Variants in TMIGD1 observed in about 807,000 individuals in gnomAD.
TMIGD1 encodes the protein transmembrane and immunoglobulin domain containing 1.
In TMIGD1, 29 loss-of-function variants were observed where a neutral mutation model predicts 27.5. That is an observed-to-expected ratio of 1.05 (90% CI 0.78 to 1.44). The LOEUF (loss-of-function observed/expected upper bound fraction) is 1.44. Among genes scored for constraint, TMIGD1 ranks in the 40% most tolerant of loss-of-function variants. The pLI is 0.00. For missense variants in TMIGD1, 334 were observed against 310.6 expected (o/e 1.08, Z -0.57); for synonymous variants, 109 against 110.3 (o/e 0.99, Z 0.07).
chr17:30,333,461 A>T (rs911535970), intron 1 of TMIGD1, among the ~76,000 whole-genome samples: 5 of 151,866 alleles, frequency 3.3e-5, no homozygotes, highest in African/African-American at 7.3e-5. Context: ...AATAAAAAAT[A>T]AAAAAATAAA....
intron 2 of TMIGD1, 104 bp from the exon 3 acceptor site, chr17:30,329,633 A>G (rs1213062936): frequency 2.4e-6 from 2 of 850,068 alleles, no homozygotes; most frequent in Non-Finnish European, 3.6e-6. Flanking sequence ...GTAGAACAAA[A>G]TAAACTCTCA....
At position 30,332,114 on chromosome 17, in the gene TMIGD1, A is replaced by C; in HGVS notation, c.20T>G (p.Val7Gly). MAWKSS[V>G]IMQMGRFLLL... ...AAGAAATCTTCCCATTTGCATTATGACACTGCTCTTCCATGCCATCTTTAA... is the reference window on the plus strand; with the variant it reads ...AAGAAATCTTCCCATTTGCATTATGCCACTGCTCTTCCATGCCATCTTTAA... The change falls in exon 2 of 7, where the codon GTC (valine) becomes GGC (glycine). Residue 7 changes from valine to glycine, a missense_variant. By Grantham distance (109) the Val-to-Gly change is moderately radical. Coordinates refer to ENST00000328886, the MANE Select transcript of TMIGD1 (RefSeq NM_206832.3). The C allele has an allele frequency of 6.2e-7, 1 of 1,613,396 alleles. No individual in the cohort carries two copies. Among genetic ancestry groups the C allele is most frequent in the Non-Finnish European group, 8.5e-7 (1 of 1,179,618 alleles).
chr17:30,331,985 T>G, intron 2 of TMIGD1, 67 bp downstream of exon 2: 1 of 1,038,758 alleles, frequency 9.6e-7, no homozygotes, highest in Non-Finnish European at 1.5e-6. Context: ...CCAATGCCCA[T>G]TGATCACTTT....
intron 1 of TMIGD1, 101 bp from the exon 2 acceptor site, chr17:30,332,259 A>G: frequency 3.1e-6 from 2 of 635,778 alleles, no homozygotes; most frequent in Non-Finnish European, 5.5e-6. Flanking sequence ...TCCCAGATGA[A>G]TCATCCCAGC....
intron 2 of TMIGD1, among the ~76,000 whole-genome samples, chr17:30,329,853 T>C (rs953791788): frequency 1.3e-5 from 2 of 151,864 alleles, no homozygotes; most frequent in Non-Finnish European, 2.9e-5. Flanking sequence ...GGAGGATCGC[T>C]TGAGCTCAGG....
intron 4 of TMIGD1, among the ~76,000 whole-genome samples, chr17:30,321,954 G>A (rs1909634476): frequency 1.3e-5 from 2 of 151,988 alleles, no homozygotes; most frequent in Non-Finnish European, 2.9e-5. Context: ...TCAGCCTCCT[G>A]AGTAGTCAAG....
intron 3 of TMIGD1, among the ~76,000 whole-genome samples, chr17:30,326,382 C>A (rs1455956722): frequency 6.6e-6 from 1 of 152,100 alleles, no homozygotes; most frequent in East Asian, 1.9e-4. Context: ...CCCAGAGATA[C>A]CCACTGTTAT....
At chr17:30,323,357 T>C (rs986179921) in intron 4 of TMIGD1, among the ~76,000 whole-genome samples, 2 of 152,144 alleles carry the variant, frequency 1.3e-5, no homozygotes, top group Non-Finnish European at 2.9e-5. Context: ...AGATCTGTGA[T>C]GTCGTTTGTA....
At chr17:30,332,914 T>G (rs1277927118) in intron 1 of TMIGD1, among the ~76,000 whole-genome samples, 1 of 152,066 alleles carries the variant, frequency 6.6e-6, no homozygotes, top group Non-Finnish European at 1.5e-5. Context: ...GCTAAACACT[T>G]TACATACATC....
intron 4 of TMIGD1, among the ~76,000 whole-genome samples, chr17:30,321,888 G>A (rs1361977630): frequency 2.0e-5 from 3 of 152,132 alleles, no homozygotes; most frequent in Admixed American, 1.3e-4. Flanking sequence ...GAGTGCAGTG[G>A]CATGATCATG....
At chr17:30,321,164 T>C (rs946622510) in intron 4 of TMIGD1, among the ~76,000 whole-genome samples, 353 of 129,904 alleles carry the variant, frequency 2.7e-3, no homozygotes, top group African/African-American at 8.5e-3. Flanking sequence ...GGCCAACCCC[T>C]TTTTTTTTTT....
intron 2 of TMIGD1, among the ~76,000 whole-genome samples, chr17:30,329,915 A>T (rs1304949473): frequency 8.2e-6 from 1 of 122,014 alleles, no homozygotes; most frequent in Non-Finnish European, 1.8e-5. Flanking sequence ...TACAAAAAAT[A>T]AAAAAATAAA....
At chr17:30,332,031 C>G (rs1039392208) in intron 2 of TMIGD1, 21 bp downstream of exon 2, 4 of 1,561,148 alleles carry the variant, frequency 2.6e-6, no homozygotes, top group Non-Finnish European at 3.5e-6. Flanking sequence ...TAAAAAGAGG[C>G]CAAAAAGAAC....
intron 1 of TMIGD1, among the ~76,000 whole-genome samples, chr17:30,332,667 A>C (rs1910017769): frequency 6.6e-6 from 1 of 152,118 alleles, no homozygotes; most frequent in Non-Finnish European, 1.5e-5. Flanking sequence ...AAACCATGTT[A>C]ATCTTGTCTT....
At chr17:30,333,535 T>A (rs1910051133) in intron 1 of TMIGD1, among the ~76,000 whole-genome samples, 1 of 152,134 alleles carries the variant, frequency 6.6e-6, no homozygotes, top group East Asian at 1.9e-4. Context: ...TTAACACCAG[T>A]ATTAATTTAC....
chr17:30,318,817 A>G lies in TMIGD1; in HGVS notation c.737T>C (p.Ile246Thr). The change falls in exon 5 of 7, where the codon ATA (isoleucine) becomes ACA (threonine). Residue 246 changes from isoleucine (I) to threonine (T), a missense_variant. Ile to Thr is a moderately conservative substitution (Grantham distance 89). Transcript: ENST00000328886. ...CFGLIARRKKIMKLCMKDKDP... is the reference protein window; with the variant it reads ...CFGLIARRKKTMKLCMKDKDP... ...CTCAGAATACTTAGATACCTTCATT[A>G]TTTTCTTTCTTCTAGCAATCAGTCC... 6.2e-7 allele frequency: 1 copy of G among 1,609,696 alleles called. No individual in the cohort carries two copies. The highest frequency in any genetic ancestry group is 1.1e-5 in the South Asian group (1 of 90,954).
intron 4 of TMIGD1, among the ~76,000 whole-genome samples, chr17:30,321,078 G>A (rs970151181): frequency 6.6e-5 from 10 of 151,992 alleles, no homozygotes; most frequent in Non-Finnish European, 1.2e-4. Context: ...GTCTGGCCTC[G>A]AACTCCTGAC....
intron 2 of TMIGD1, among the ~76,000 whole-genome samples, chr17:30,330,462 T>A (rs1409942675): frequency 6.6e-6 from 1 of 152,190 alleles, no homozygotes; most frequent in East Asian, 1.9e-4. Context: ...AAAGGCAGAA[T>A]ATAAATTAAA....
intron 3 of TMIGD1, among the ~76,000 whole-genome samples, chr17:30,327,334 T>C (rs1425812037): frequency 6.6e-6 from 1 of 151,968 alleles, no homozygotes; most frequent in African/African-American, 2.4e-5. Context: ...GGCAGATCAC[T>C]TGAGCCTGGG....
Sources: allele counts gnomAD v4.1 joint callset (sites outside exome capture counted in the v4.1 genomes callset), GRCh38; gene constraint gnomAD v4.1.1; transcripts MANE v1.5; gene names NCBI Gene and HGNC (gene_info 2026-07-23, HGNC 2026-07-21).